The following KCNMA1 variants were observed in gnomAD, a reference collection of about 807,000 sequenced individuals.
KCNMA1 encodes Calcium-activated potassium channel subunit alpha-1.
A neutral mutation model predicts 140.0 loss-of-function variants in KCNMA1; 29 were observed. The observed-to-expected ratio is 0.21, with a 90% CI of 0.15 to 0.28. The LOEUF (loss-of-function observed/expected upper bound fraction) is 0.28, where lower values mean the gene tolerates loss of function less well. Ranked by LOEUF, KCNMA1 falls within the 10% of genes least tolerant of loss-of-function variation. KCNMA1 has a pLI of 1.00. For synonymous variants in KCNMA1, 612 were observed against 611.9 expected (o/e 1.00, Z 0.00); for missense variants, 880 against 1,602.2 (o/e 0.55, Z 7.70).
At position 77,436,994 on chromosome 10, in the gene KCNMA1, A is replaced by ACACACACACACG. The variant is rs1158264663; in HGVS notation, c.379-32972_379-32971insCGTGTGTGTGTG. 8.7e-5 allele frequency among the ~76,000 whole-genome samples: 11 copies of ACACACACACACG among 126,714 alleles called. No individual in the cohort carries two copies. In the East Asian group the frequency reaches 2.9e-3, roughly 33 times the overall value. 83.1% of individuals were successfully genotyped at this position (126,714 alleles called of 152,430 possible). A position where few individuals can be genotyped will look rare whatever the true frequency, so the allele number is the denominator to read the frequency against. ...CACACACACACACACACACACACAC[A>ACACACACACACG]CACTCCTTCAGCCAAAATGTTCCAC... On this transcript the variant is annotated intron_variant, in intron 1 of 27. Transcript: ENST00000286628.
intron 23 of KCNMA1, among the ~76,000 whole-genome samples, chr10:76,921,068 A>G (rs918313921): frequency 6.6e-6 from 1 of 152,212 alleles, no homozygotes; most frequent in Non-Finnish European, 1.5e-5. Context: ...CATCTCCCCT[A>G]GAATAGATGG....
chr10:77,291,809 A>G (rs1476972870), intron 2 of KCNMA1, among the ~76,000 whole-genome samples: 1 of 151,980 alleles, frequency 6.6e-6, no homozygotes, highest in East Asian at 1.9e-4. Flanking sequence ...TCATTTTTTC[A>G]TGTTCTTTCA....
intron 2 of KCNMA1, among the ~76,000 whole-genome samples, chr10:77,262,407 AGAGAGG>A (rs749722223): frequency 1.4e-4 from 22 of 152,284 alleles, no homozygotes; most frequent in Middle Eastern, 6.8e-3. Context: ...TGGAAGTGGG[AGAGAGG>A]GAGAAGTGGG....
intron 1 of KCNMA1, among the ~76,000 whole-genome samples, chr10:77,453,364 T>TATAA (rs143343288): frequency 1.7e-3 from 243 of 145,114 alleles, no homozygotes; most frequent in Non-Finnish European, 2.2e-3. Context: ...AATAAATAAA[T>TATAA]ATAAATAAAT....
At chr10:76,948,212 C>T (rs1345228525) in intron 22 of KCNMA1, among the ~76,000 whole-genome samples, 2 of 152,044 alleles carry the variant, frequency 1.3e-5, no homozygotes, top group Non-Finnish European at 2.9e-5. Flanking sequence ...CACCATGTTG[C>T]CCAGGCTGCT....
chr10:77,449,455 C>A (rs2097585936), intron 1 of KCNMA1, among the ~76,000 whole-genome samples: 1 of 142,554 alleles, frequency 7.0e-6, no homozygotes, highest in South Asian at 2.2e-4. Flanking sequence ...TCCCAGGACC[C>A]ACAGGCATAC....
At chr10:77,126,104 A>C (rs1450723636) in intron 5 of KCNMA1, among the ~76,000 whole-genome samples, 1 of 152,210 alleles carries the variant, frequency 6.6e-6, no homozygotes, top group Admixed American at 6.5e-5. Context: ...ACAATTATTC[A>C]TCTTCTCTAT....
chr10:77,431,971 G>A (rs1002065568), intron 1 of KCNMA1, among the ~76,000 whole-genome samples: 1 of 151,752 alleles, frequency 6.6e-6, no homozygotes, highest in Non-Finnish European at 1.5e-5. Flanking sequence ...CCAGCCTGGC[G>A]ACAGAGCAAG....
intron 9 of KCNMA1, among the ~76,000 whole-genome samples, chr10:77,097,709 T>TA (rs1434756795): frequency 6.6e-6 from 1 of 152,112 alleles, no homozygotes; most frequent in African/African-American, 2.4e-5. Flanking sequence ...ATAATTTTTT[T>TA]AAAAAAAAGG....
intron 1 of KCNMA1, among the ~76,000 whole-genome samples, chr10:77,466,493 G>A (rs922735009): frequency 2.0e-5 from 3 of 152,146 alleles, no homozygotes; most frequent in African/African-American, 7.2e-5. Context: ...TAGGCAGAAA[G>A]GATTCCTGTC....
chr10:77,634,472 A>G, intron 1 of KCNMA1: 1 of 985,446 alleles, frequency 1.0e-6, no homozygotes. Flanking sequence ...CTTTGATCAA[A>G]AAGGTTTGGT....
rs1022831676 is a variant in KCNMA1, at chr10:77,535,321, C to T, written c.378+101944G>A. Among the ~76,000 whole-genome samples the T allele has an allele frequency of 4.6e-5, 7 of 152,128 alleles. No individual in the cohort carries two copies. In the East Asian group the frequency reaches 1.2e-3, roughly 25 times the overall value. Reference sequence around the variant, plus strand: ...TCCAAGAAGTTTATTCCCCTCCTTCCGAAAAATACGGATGGAAGTAGTTAT... The same window carrying T: ...TCCAAGAAGTTTATTCCCCTCCTTCTGAAAAATACGGATGGAAGTAGTTAT... On this transcript the variant is annotated intron_variant, in intron 1 of 27. Transcript: ENST00000286628.
chr10:77,106,133 A>C (rs2097193201), intron 9 of KCNMA1, among the ~76,000 whole-genome samples: 1 of 152,178 alleles, frequency 6.6e-6, no homozygotes, highest in African/African-American at 2.4e-5. Flanking sequence ...TTGAACCAGG[A>C]AACAATGCAT....
At chr10:77,057,485 AATAAT>A (rs1215618031) in intron 14 of KCNMA1, among the ~76,000 whole-genome samples, 3 of 152,164 alleles carry the variant, frequency 2.0e-5, no homozygotes, top group African/African-American at 4.8e-5. Flanking sequence ...TAAATATTAG[AATAAT>A]ATAATAGACT....
intron 17 of KCNMA1, 115 bp downstream of exon 17, chr10:77,018,898 T>C: frequency 4.2e-6 from 3 of 712,562 alleles, no homozygotes; most frequent in South Asian, 1.5e-5. Flanking sequence ...CTTACACCAG[T>C]TGATGGCCAT....
intron 6 of KCNMA1, among the ~76,000 whole-genome samples, chr10:77,115,628 A>G (rs2616654): frequency 0.6 from 91,353 of 152,026 alleles, 29,980 homozygotes; most frequent in East Asian, 0.91. Context: ...AAACCTATTT[A>G]GAGTCTGAGT....
intron 1 of KCNMA1, chr10:77,587,657 C>G: frequency 2.0e-6 from 2 of 977,138 alleles, no homozygotes; most frequent in Non-Finnish European, 2.4e-6. Flanking sequence ...TCTGAGGACA[C>G]CTTCAGTGGA....
At chr10:77,479,721 C>G (rs868111526) in intron 1 of KCNMA1, among the ~76,000 whole-genome samples, 3 of 152,202 alleles carry the variant, frequency 2.0e-5, no homozygotes, top group South Asian at 4.1e-4. Flanking sequence ...AGCCCTCGCC[C>G]CTGTGCCCCG....
At chr10:76,927,784 C>T (rs1307092145) in intron 23 of KCNMA1, among the ~76,000 whole-genome samples, 1 of 152,126 alleles carries the variant, frequency 6.6e-6, no homozygotes. Flanking sequence ...AATTTACCAA[C>T]GTTGTATGTC....
Sources: gnomAD v4.1 joint callset for allele counts (sites outside exome capture counted in the v4.1 genomes callset) on GRCh38, gnomAD v4.1.1 for gene constraint, MANE v1.5 for transcripts, NCBI Gene and HGNC (gene_info 2026-07-23, HGNC 2026-07-21) for gene names.